ENTPD1: variants seen among roughly 807,000 people sequenced by gnomAD.
The protein encoded by ENTPD1 is ectonucleoside triphosphate diphosphohydrolase 1.
Under a neutral mutation model 57.0 loss-of-function variants are expected in ENTPD1, and 33 were observed. The ratio of observed to expected loss-of-function variants is 0.58; its 90% CI spans 0.44 to 0.77. The LOEUF is 0.77. Among genes scored for constraint, ENTPD1 ranks in the 30% least tolerant of loss-of-function variants. The probability of loss-of-function intolerance (pLI) is 0.00; values close to 1 mark genes in which losing one functional copy is unlikely to be tolerated. For missense variants in ENTPD1, 501 were observed against 603.4 expected (o/e 0.83, Z 1.78); for synonymous variants, 202 against 218.8 (o/e 0.92, Z 0.68).
chr10:95,779,123 T>C (rs2098146051), intron 1 of ENTPD1, among the ~76,000 whole-genome samples: 1 of 152,180 alleles, frequency 6.6e-6, no homozygotes, highest in African/African-American at 2.4e-5. Context: ...ACAACTTTGT[T>C]AGAATTTTTT....
intron 1 of ENTPD1, among the ~76,000 whole-genome samples, chr10:95,763,029 T>C (rs888999974): frequency 3.3e-4 from 50 of 152,286 alleles, no homozygotes; most frequent in African/African-American, 1.2e-3. Flanking sequence ...GCATGCTTTA[T>C]CATATAAAAG....
intron 1 of ENTPD1, among the ~76,000 whole-genome samples, chr10:95,822,872 C>A (rs2098358573): frequency 6.6e-6 from 1 of 152,052 alleles, no homozygotes; most frequent in African/African-American, 2.4e-5. Flanking sequence ...TGGTAGATTT[C>A]AAAAATGAGG....
chr10:95,708,300 G>A (rs1406411640), upstream of ENTPD1, among the ~76,000 whole-genome samples: 2 of 151,344 alleles, frequency 1.3e-5, no homozygotes, highest in African/African-American at 4.9e-5. Flanking sequence ...TACAACCTCC[G>A]ACTCCCTGGT....
In ENTPD1 at chr10:95,869,146, T is replaced by C; in HGVS notation, c.*2763T>C. ...CAAAACTTGGTTCTGCTAACCCTGT[T>C]CCTTTATGAGGAACCTTTTAAAGAT... On this transcript the variant is annotated 3_prime_UTR_variant, in exon 10 of 10. Transcript: ENST00000371205. 1 of 985,274 alleles carries C rather than the reference T, an allele frequency of 1.0e-6. No individual in the cohort carries two copies. Among genetic ancestry groups the C allele is most frequent in the Non-Finnish European group, 1.2e-6 (1 of 829,908 alleles). 61.0% of individuals were successfully genotyped at this position (985,274 alleles called of 1,614,324 possible). A position where few individuals can be genotyped will look rare whatever the true frequency, so the allele number is the denominator to read the frequency against.
chr10:95,715,113 G>C (rs932669144), intron 1 of ENTPD1, among the ~76,000 whole-genome samples: 2 of 152,086 alleles, frequency 1.3e-5, no homozygotes, highest in African/African-American at 4.8e-5. Flanking sequence ...ATTTCTCCTG[G>C]AACTTCATGA....
At position 95,847,609 on chromosome 10, in the gene ENTPD1, A is replaced by T. The variant is rs2098438043; in HGVS notation, c.977A>T (p.His326Leu). The T allele has an allele frequency of 6.2e-7, 1 of 1,614,220 alleles. No homozygotes were observed. The highest frequency in any genetic ancestry group is 8.5e-7 in the Non-Finnish European group (1 of 1,180,030). ...IQGIGNYQQC[H>L]QSILELFNTS... ...GGTATTGGAAACTATCAACAATGCC[A>T]TCAAAGCATCCTGGAGCTCTTCAAC... is the stretch of plus-strand genomic sequence containing the variant. The change falls in exon 7 of 10, where the codon CAT (histidine) becomes CTT (leucine). Residue 326 changes from histidine (H) to leucine (L), a missense_variant. Transcript: ENST00000371205.
chr10:95,771,076 T>C (rs2098114437), intron 1 of ENTPD1, among the ~76,000 whole-genome samples: 1 of 152,154 alleles, frequency 6.6e-6, no homozygotes, highest in Non-Finnish European at 1.5e-5. Context: ...GTATTTATTT[T>C]CTACAAATTT....
chr10:95,775,883 C>T (rs886927227), intron 1 of ENTPD1, among the ~76,000 whole-genome samples: 2 of 152,166 alleles, frequency 1.3e-5, no homozygotes, highest in East Asian at 1.9e-4. Context: ...GATCCCTTTA[C>T]CATTATGTAA....
At chr10:95,762,189 TA>T (rs1230829696) in intron 1 of ENTPD1, among the ~76,000 whole-genome samples, 2 of 116,728 alleles carry the variant, frequency 1.7e-5, no homozygotes, top group South Asian at 2.7e-4. Flanking sequence ...CTGCTTGGTT[TA>T]AAAAAATTTA....
At chr10:95,803,668 G>A (rs2098260144) in intron 1 of ENTPD1, among the ~76,000 whole-genome samples, 1 of 152,200 alleles carries the variant, frequency 6.6e-6, no homozygotes, top group Non-Finnish European at 1.5e-5. Context: ...TGTTCACTCT[G>A]ATGGTAGTTT....
intron 1 of ENTPD1, among the ~76,000 whole-genome samples, chr10:95,800,997 G>A (rs1378504077): frequency 2.0e-5 from 3 of 152,084 alleles, no homozygotes; most frequent in Admixed American, 6.6e-5. Context: ...TTGGGGAAGT[G>A]GTAAATGTCC....
Position 95,868,200 on chromosome 10 carries a change from A to G in ENTPD1, c.*1817A>G. On this transcript the variant is annotated 3_prime_UTR_variant, in exon 10 of 10. Coordinates refer to ENST00000371205, the MANE Select transcript of ENTPD1 (RefSeq NM_001776.6). ...GTTAAGTCATTTGCCCAAATGGCTG[A>G]GCCAAAGCCTACCATGTACCTAACC... The G allele has an allele frequency of 2.0e-6, 2 of 985,484 alleles. No individual in the cohort carries two copies. Among genetic ancestry groups the G allele is most frequent in the Non-Finnish European group, 1.2e-6 (1 of 829,942 alleles). The allele number at this position is 985,484 out of a possible 1,614,324, so 61.0% of individuals were successfully genotyped here. A position where few individuals can be genotyped will look rare whatever the true frequency, so the allele number is the denominator to read the frequency against.
intron 7 of ENTPD1, among the ~76,000 whole-genome samples, chr10:95,855,234 GT>G (rs1428037994): frequency 6.6e-6 from 1 of 152,020 alleles, no homozygotes. Flanking sequence ...TTTAAAGTCT[GT>G]TTTATCTGAG....
At position 95,844,491 on chromosome 10, in the gene ENTPD1, G is replaced by C. The variant is rs1244951327; in HGVS notation, c.429G>C (p.Glu143Asp). 1.2e-6 allele frequency: 2 copies of C among 1,614,180 alleles called. No homozygotes were observed. Among genetic ancestry groups the C allele is most frequent in the Non-Finnish European group, 1.7e-6 (2 of 1,180,006 alleles). ...GMRLLRMESE[E>D]LADRVLDVVE... The stretch of plus-strand genomic sequence containing the variant: ...CTTTGTACAGGATGGAAAGTGAAGA[G>C]TTGGCAGACAGGGTTCTGGATGTGG... The change falls in exon 5 of 10, where the codon GAG becomes GAC. Residue 143 changes from glutamate to aspartate, a missense_variant. By Grantham distance (45) the Glu-to-Asp change is conservative. Coordinates refer to ENST00000371205, the MANE Select transcript of ENTPD1 (RefSeq NM_001776.6).
chr10:95,844,326 C>A, intron 4 of ENTPD1, 150 bp from the exon 5 acceptor site: 2 of 1,046,470 alleles, frequency 1.9e-6, no homozygotes, highest in Non-Finnish European at 2.9e-6. Flanking sequence ...GTTTCTTGGA[C>A]AGCTATGTGC....
chr10:95,707,907 C>T (rs1302428485), upstream of ENTPD1, among the ~76,000 whole-genome samples: 1 of 152,078 alleles, frequency 6.6e-6, no homozygotes, highest in Non-Finnish European at 1.5e-5. Context: ...TCCTAGCCAT[C>T]ACTTTGTAAA....
At chr10:95,800,892 C>T (rs1566164803) in intron 1 of ENTPD1, among the ~76,000 whole-genome samples, 1 of 152,120 alleles carries the variant, frequency 6.6e-6, no homozygotes, top group Non-Finnish European at 1.5e-5. Flanking sequence ...TTAACACAAT[C>T]ATCACAGGGT....
intron 1 of ENTPD1, among the ~76,000 whole-genome samples, chr10:95,784,557 T>C (rs1214318130): frequency 6.6e-6 from 1 of 152,196 alleles, no homozygotes; most frequent in Non-Finnish European, 1.5e-5. Context: ...ACCCAGGAAG[T>C]AGCAGTTCCA....
At chr10:95,798,420 G>C (rs1013312920) in intron 1 of ENTPD1, among the ~76,000 whole-genome samples, 1 of 152,078 alleles carries the variant, frequency 6.6e-6, no homozygotes, top group South Asian at 2.1e-4. Context: ...TGGAGGGAGA[G>C]AACTGAAGGG....
Sources: gnomAD v4.1 joint callset for allele counts (sites outside exome capture counted in the v4.1 genomes callset) on GRCh38, gnomAD v4.1.1 for gene constraint, MANE v1.5 for transcripts, NCBI Gene and HGNC (gene_info 2026-07-23, HGNC 2026-07-21) for gene names.